IL15RA: variants seen among roughly 807,000 people sequenced by gnomAD.
The protein encoded by IL15RA is interleukin 15 receptor subunit alpha, also known as interleukin-15 receptor subunit alpha.
A neutral mutation model predicts 24.2 loss-of-function variants in IL15RA; 26 were observed. The observed-to-expected ratio is 1.07, with a 90% CI of 0.79 to 1.49. IL15RA has a LOEUF of 1.49. Ranked by LOEUF, IL15RA falls within the 40% of genes most tolerant of loss-of-function variation. IL15RA has a pLI of 0.00. For missense variants in IL15RA, 354 were observed against 356.4 expected, an observed-to-expected ratio of 0.99 and a Z score of 0.05; for synonymous variants, 166 against 157.6, an observed-to-expected ratio of 1.05 and a Z score of -0.40.
Position 5,959,323 on chromosome 10 carries a change from C to A in IL15RA, c.616+431G>T, listed in dbSNP as rs777639362. 6.6e-6 allele frequency among the ~76,000 whole-genome samples: 1 copy of A among 151,924 alleles called. No individual in the cohort carries two copies. The highest frequency in any genetic ancestry group is 2.1e-4 in the South Asian group (1 of 4,810). ...CCTGGCCAAGAGTAGCATTTTATAC[C>A]GAAAATGTGGACAGCTTCTCTGTTA... On this transcript the variant is annotated intron_variant, in intron 5 of 6. Coordinates refer to ENST00000379977, the MANE Select transcript of IL15RA (RefSeq NM_002189.4). This position sits in a 1 kb window ranked among gnomAD's most constrained non-coding sequence, Gnocchi z 4.1.
In IL15RA at chr10:5,973,548, AGGTCAGT is replaced by A. The variant is rs1320540918; in HGVS notation, c.88+3850_88+3856del. On this transcript the variant is annotated intron_variant, in intron 1 of 6. Coordinates refer to ENST00000379977, the MANE Select transcript of IL15RA (RefSeq NM_002189.4). This position sits in a 1 kb window ranked among gnomAD's most constrained non-coding sequence, Gnocchi z 4.5. Reference sequence around the variant, plus strand: ...ACTGATGTTCAAAAGGTATAAGAGAAGGTCAGTGAAGATAATCTTTTCAATAAAGGGT... The same window carrying A: ...ACTGATGTTCAAAAGGTATAAGAGAAGAAGATAATCTTTTCAATAAAGGGT... Among the ~76,000 whole-genome samples, 2 of 152,232 alleles carry A rather than the reference AGGTCAGT, an allele frequency of 1.3e-5. No homozygotes were observed. The highest frequency in any genetic ancestry group is 3.8e-4 in the East Asian group (2 of 5,204).
Position 5,977,451 on chromosome 10 carries a change from G to C in IL15RA, c.42C>G (p.Leu14=). ...RRARGCRTLG[L]PALLLLLLLR... The stretch of plus-strand genomic sequence containing the variant: ...GCAGCAGCAGCAGTAGCAGCGCCGG[G>C]AGACCGAGGGTCCGGCAGCCGCGCG... Residue 14 remains leucine, a synonymous_variant, in exon 1 of 7, where the codon CTC becomes CTG. Coordinates refer to ENST00000379977, the MANE Select transcript of IL15RA (RefSeq NM_002189.4). 1 of 1,367,672 alleles carries C rather than the reference G, an allele frequency of 7.3e-7. No homozygotes were observed. The highest frequency in any genetic ancestry group is 3.3e-5 in the Admixed American group (1 of 30,124). 84.7% of individuals were successfully genotyped at this position (1,367,672 alleles called of 1,614,324 possible).
At position 5,959,846 on chromosome 10, in the gene IL15RA, A is replaced by G. The variant is rs899886240; in HGVS notation, c.584-60T>C. The G allele has an allele frequency of 1.9e-5, 30 of 1,556,424 alleles. No individual in the cohort carries two copies. The highest frequency in any genetic ancestry group is 2.6e-5 in the Non-Finnish European group (29 of 1,130,128). On this transcript the variant is annotated intron_variant, in intron 4 of 6. Coordinates refer to ENST00000379977, the MANE Select transcript of IL15RA (RefSeq NM_002189.4). This position sits in a 1 kb window ranked among gnomAD's most constrained non-coding sequence, Gnocchi z 4.1. ...TCCTAGAGGTCCTAGTTCCTCATGAAGCAGGAGAAAATCTGCATGGCTTGG... is the reference window on the plus strand; with the variant it reads ...TCCTAGAGGTCCTAGTTCCTCATGAGGCAGGAGAAAATCTGCATGGCTTGG...
chr10:5,968,990 G>A lies in IL15RA; in HGVS notation c.89-2651C>T, dbSNP rs1288523865. On this transcript the variant is annotated intron_variant, in intron 1 of 6. Transcript: ENST00000379977. The surrounding 1 kb of genome is among the most constrained non-coding windows in gnomAD (Gnocchi z 5.4). ...ATTTCCAGCAGCCGTGGACCTCCAG[G>A]GCTGTTTGTGTAGGATCCTGAGCAA... 2.0e-6 allele frequency: 3 copies of A among 1,533,782 alleles called. No individual in the cohort carries two copies. Among genetic ancestry groups the A allele is most frequent in the Non-Finnish European group, 2.6e-6 (3 of 1,145,724 alleles).
chr10:5,971,630 A>G lies in IL15RA; in HGVS notation c.89-5291T>C, dbSNP rs1231502048. The stretch of plus-strand genomic sequence containing the variant: ...GGTAGGATTCAGAGATGTGTCAGAT[A>G]TGGTTCCTGCCCTCAGGATGCTCAC... On this transcript the variant is annotated intron_variant, in intron 1 of 6. Coordinates refer to ENST00000379977, the MANE Select transcript of IL15RA (RefSeq NM_002189.4). The surrounding 1 kb of genome is among the most constrained non-coding windows in gnomAD (Gnocchi z 5.5). 6.6e-6 allele frequency among the ~76,000 whole-genome samples: 1 copy of G among 152,206 alleles called. No individual in the cohort carries two copies. The highest frequency in any genetic ancestry group is 1.5e-5 in the Non-Finnish European group (1 of 68,026).
In IL15RA at chr10:5,955,907, C is replaced by G. The variant is rs41294145; in HGVS notation, c.692+472G>C. Among the ~76,000 whole-genome samples, 1 of 152,162 alleles carries G rather than the reference C, an allele frequency of 6.6e-6. No homozygotes were observed. The highest frequency in any genetic ancestry group is 1.5e-5 in the Non-Finnish European group (1 of 68,028). ...GGCTTGGGCCTAGCTCACTGCTCCT[C>G]GGCTCTGGCACTCATTGGCTCCTAG... On this transcript the variant is annotated intron_variant, in intron 6 of 6. Transcript: ENST00000379977. This position sits in a 1 kb window ranked among gnomAD's most constrained non-coding sequence, Gnocchi z 5.3.
Position 5,967,229 on chromosome 10 carries a change from G to T in IL15RA, c.89-890C>A, listed in dbSNP as rs117788047. Among the ~76,000 whole-genome samples, 2 of 152,078 alleles carry T rather than the reference G, an allele frequency of 1.3e-5. No homozygotes were observed. The highest frequency in any genetic ancestry group is 1.9e-4 in the East Asian group (1 of 5,164). On this transcript the variant is annotated intron_variant, in intron 1 of 6. Coordinates refer to ENST00000379977, the MANE Select transcript of IL15RA (RefSeq NM_002189.4). This position sits in a 1 kb window ranked among gnomAD's most constrained non-coding sequence, Gnocchi z 4.4. ...TTGCCTTGCCTTTCTTTTTTGAGAC[G>T]GAGTTTCACTCTGTCACCAGGCTGG...
chr10:5,963,983 A>C lies in IL15RA; in HGVS notation c.284-142T>G, dbSNP rs767956428. Reference sequence around the variant, plus strand: ...CTTCCTCAGACAGGTTAAAAGCATAAGAAACAATGTTTCCCCACCCGAATG... The same window carrying C: ...CTTCCTCAGACAGGTTAAAAGCATACGAAACAATGTTTCCCCACCCGAATG... On this transcript the variant is annotated intron_variant, in intron 2 of 6. Transcript: ENST00000379977. This position sits in a 1 kb window ranked among gnomAD's most constrained non-coding sequence, Gnocchi z 5.3. 8.0e-5 allele frequency: 46 copies of C among 577,386 alleles called. No individual in the cohort carries two copies. Among genetic ancestry groups the C allele is most frequent in the Non-Finnish European group, 1.3e-4 (43 of 326,632 alleles). 35.8% of individuals were successfully genotyped at this position (577,386 alleles called of 1,614,324 possible).
At chr10:5,969,004 G>A in intron 1 of IL15RA, 2 of 1,529,868 alleles carry the variant, frequency 1.3e-6, no homozygotes, top group South Asian at 1.2e-5. Context: ...GTTTGTGTAG[G>A]ATCCTGAGCA....
At position 5,953,333 on chromosome 10, in the gene IL15RA, C is replaced by G. The variant is rs760702646; in HGVS notation, c.693-127G>C. On this transcript the variant is annotated intron_variant, in intron 6 of 6. Coordinates refer to ENST00000379977, the MANE Select transcript of IL15RA (RefSeq NM_002189.4). This position sits in a 1 kb window ranked among gnomAD's most constrained non-coding sequence, Gnocchi z 5.3. Reference sequence around the variant, plus strand: ...GCAGGAGCAGACAGAGGCCCTGCCACGGGAGTCAGACAGAGAGCACTTAGT... The same window carrying G: ...GCAGGAGCAGACAGAGGCCCTGCCAGGGGAGTCAGACAGAGAGCACTTAGT... 3.4e-5 allele frequency: 25 copies of G among 745,038 alleles called. No individual in the cohort carries two copies. The highest frequency in any genetic ancestry group is 3.3e-4 in the African/African-American group (19 of 57,966). 46.2% of individuals were successfully genotyped at this position (745,038 alleles called of 1,614,324 possible). A position where few individuals can be genotyped will look rare whatever the true frequency, so the allele number is the denominator to read the frequency against.
In IL15RA at chr10:5,959,222, C is replaced by A. The variant is rs1372965233; in HGVS notation, c.616+532G>T. ...GGTCTTGCTATGTTGACCAGGCTGGCCTCAAATTCTGGCCTCAAGCAATCC... is the reference window on the plus strand; with the variant it reads ...GGTCTTGCTATGTTGACCAGGCTGGACTCAAATTCTGGCCTCAAGCAATCC... On this transcript the variant is annotated intron_variant, in intron 5 of 6. Coordinates refer to ENST00000379977, the MANE Select transcript of IL15RA (RefSeq NM_002189.4). This position sits in a 1 kb window ranked among gnomAD's most constrained non-coding sequence, Gnocchi z 4.1. Among the ~76,000 whole-genome samples the A allele has an allele frequency of 6.7e-6, 1 of 149,302 alleles. No individual in the cohort carries two copies. Among genetic ancestry groups the A allele is most frequent in the Admixed American group, 6.7e-5 (1 of 14,884 alleles).
downstream of IL15RA, among the ~76,000 whole-genome samples, chr10:5,951,565 C>T (rs1018532337): frequency 2.6e-5 from 4 of 152,214 alleles, no homozygotes; most frequent in African/African-American, 7.2e-5. Context: ...GTGGCTCACG[C>T]CTGTAATCCC....
intron 1 of IL15RA, among the ~76,000 whole-genome samples, chr10:5,972,538 ATCT>A (rs1349057774): frequency 1.3e-5 from 2 of 152,210 alleles, no homozygotes; most frequent in Non-Finnish European, 2.9e-5. Flanking sequence ...AAAATTCTGG[ATCT>A]TAATTGTGCT....
rs575776479 is a variant in IL15RA at position 5,953,200 on chromosome 10, A to T, written c.699T>A (p.Thr233=). ...CCATTTCAACGCTGGCCAGCGGGGG[A>T]GTTTGCCTGCAAAGCAGGTGGTTCA... ...LLACYLKSRQ[T]PPLASVEMEA... is the part of the protein sequence containing the mutation. Residue 233 remains threonine, a synonymous_variant, in exon 7 of 7, where the codon ACT becomes ACA. Coordinates refer to ENST00000379977, the MANE Select transcript of IL15RA (RefSeq NM_002189.4). The surrounding 1 kb of genome is among the most constrained non-coding windows in gnomAD (Gnocchi z 5.3). The T allele has an allele frequency of 6.2e-7, 1 of 1,613,118 alleles. No individual in the cohort carries two copies. The highest frequency in any genetic ancestry group is 8.5e-7 in the Non-Finnish European group (1 of 1,179,278).
In IL15RA at chr10:5,975,823, G is replaced by T. The variant is rs534841434; in HGVS notation, c.88+1582C>A. ...CAGCAGAATCGCTTGAACCCAGGAG[G>T]CGGAGGTTGCAGTGAGCTGAGATCG... is the stretch of plus-strand genomic sequence containing the variant. On this transcript the variant is annotated intron_variant, in intron 1 of 6. Coordinates refer to ENST00000379977, the MANE Select transcript of IL15RA (RefSeq NM_002189.4). The surrounding 1 kb of genome is among the most constrained non-coding windows in gnomAD (Gnocchi z 4.8). Among the ~76,000 whole-genome samples, 1 of 152,194 alleles carries T rather than the reference G, an allele frequency of 6.6e-6. No individual in the cohort carries two copies. Among genetic ancestry groups the T allele is most frequent in the Non-Finnish European group, 1.5e-5 (1 of 68,026 alleles).
rs992361208 is a variant in IL15RA at position 5,961,851 on chromosome 10, A to G, written c.383-1284T>C. ...TGTTGCCGCGTTCCCATGGTCTCCCAGCCACACAGGTCATGAGAAGGCCTC... is the reference window on the plus strand; with the variant it reads ...TGTTGCCGCGTTCCCATGGTCTCCCGGCCACACAGGTCATGAGAAGGCCTC... On this transcript the variant is annotated intron_variant, in intron 3 of 6. Transcript: ENST00000379977. This position sits in a 1 kb window ranked among gnomAD's most constrained non-coding sequence, Gnocchi z 5.2. Among the ~76,000 whole-genome samples, 6 of 152,228 alleles carry G rather than the reference A, an allele frequency of 3.9e-5. No homozygotes were observed. Among genetic ancestry groups the G allele is most frequent in the Admixed American group, 2.0e-4 (3 of 15,284 alleles).
downstream of IL15RA, chr10:5,952,355 T>A (rs992600964): frequency 6.5e-6 from 1 of 152,788 alleles, no homozygotes; most frequent in Non-Finnish European, 1.5e-5. Flanking sequence ...ACATTTCTCC[T>A]TGGTGATTCT....
rs1407765335 is a variant in IL15RA, at chr10:5,964,985, T to C, written c.284-1144A>G. On this transcript the variant is annotated intron_variant, in intron 2 of 6. Transcript: ENST00000379977. The surrounding 1 kb of genome is among the most constrained non-coding windows in gnomAD (Gnocchi z 5.6). ...TCTGTTCTGGGGGAGGAGGCTGAGC[T>C]ACCACTACCAAGCCAGTGGCAATGT... Among the ~76,000 whole-genome samples, 3 of 152,168 alleles carry C rather than the reference T, an allele frequency of 2.0e-5. No homozygotes were observed. The highest frequency in any genetic ancestry group is 6.5e-5 in the Admixed American group (1 of 15,282).
downstream of IL15RA, among the ~76,000 whole-genome samples, chr10:5,951,171 A>G (rs1833846902): frequency 1.4e-5 from 2 of 141,348 alleles, no homozygotes; most frequent in African/African-American, 5.4e-5. Context: ...AAAAAAAAAA[A>G]AATATTAGCC....
Sources: gnomAD v4.1 joint callset for allele counts (sites outside exome capture counted in the v4.1 genomes callset) on GRCh38, gnomAD v4.1.1 for gene constraint, Gnocchi (gnomAD v3.1) non-coding constraint, MANE v1.5 for transcripts, NCBI Gene and HGNC (gene_info 2026-07-23, HGNC 2026-07-21) for gene names.